BHMT: variants seen among roughly 807,000 people sequenced by gnomAD.
BHMT encodes the protein betaine--homocysteine S-methyltransferase, also known as betaine--homocysteine S-methyltransferase 1.
BHMT carries 38 observed loss-of-function variants against 49.5 expected under a neutral mutation model. The ratio of observed to expected loss-of-function variants is 0.77; its 90% confidence interval spans 0.59 to 1.01. BHMT has a LOEUF of 1.01. Ranked by LOEUF, BHMT falls within the 50% of genes least tolerant of loss-of-function variation. The pLI is 0.00. For synonymous variants in BHMT, 166 were observed against 176.3 expected (o/e 0.94, Z 0.46); for missense variants, 426 against 495.7 (o/e 0.86, Z 1.34).
At chr5:79,117,507 A>G (rs1462242932) in intron 2 of BHMT, among the ~76,000 whole-genome samples, 1 of 152,206 alleles carries the variant, frequency 6.6e-6, no homozygotes, top group East Asian at 1.9e-4. Flanking sequence ...GATTTAAAAA[A>G]TCATGGAAAA....
rs1459899528 is a variant in BHMT, at chr5:79,131,193, A to G, written c.*77A>G. 2 of 1,423,326 alleles carry G rather than the reference A, an allele frequency of 1.4e-6. No individual in the cohort carries two copies. Among genetic ancestry groups the G allele is most frequent in the Non-Finnish European group, 1.9e-6 (2 of 1,044,434 alleles). 88.2% of individuals were successfully genotyped at this position (1,423,326 alleles called of 1,614,324 possible). ...CTACAAATACGGAAAAGGGGGTTAA[A>G]AAGCAGTGCTTTCATGAATGCCATC... On this transcript the variant is annotated 3_prime_UTR_variant, in exon 8 of 8. Coordinates refer to ENST00000274353, the MANE Select transcript of BHMT (RefSeq NM_001713.3).
rs750808709 is a variant in BHMT at position 79,111,852 on chromosome 5, A to G, written c.-34A>G. 7.4e-6 allele frequency: 12 copies of G among 1,611,486 alleles called. No homozygotes were observed. The highest frequency in any genetic ancestry group is 1.0e-5 in the Non-Finnish European group (12 of 1,178,912). ...GGGAAGGCTCGCCTAGTCGGTCCGC[A>G]TCCGTGTCGACCACCTGTCTGGACA... is the stretch of plus-strand genomic sequence containing the variant. On this transcript the variant is annotated 5_prime_UTR_variant, in exon 1 of 8. Transcript: ENST00000274353.
chr5:79,126,878 G>A (rs548530490), intron 6 of BHMT, among the ~76,000 whole-genome samples: 4 of 152,204 alleles, frequency 2.6e-5, no homozygotes, highest in Non-Finnish European at 4.4e-5. Context: ...AGAGTGGTCA[G>A]CAGGGGCAGA....
In BHMT at chr5:79,120,596, C is replaced by A. The variant is rs1358244276; in HGVS notation, c.477+55C>A. The stretch of plus-strand genomic sequence containing the variant: ...AAATACACCTAGTACATTTTCTCTA[C>A]CTTTTGCTTTCAAGAGTACTGTGTG... On this transcript the variant is annotated intron_variant, in intron 4 of 7. Transcript: ENST00000274353. 7 of 1,498,224 alleles carry A rather than the reference C, an allele frequency of 4.7e-6. No individual in the cohort carries two copies. The African/African-American group carries it at 7.0e-5, about 15-fold the overall frequency. The allele number at this position is 1,498,224 out of a possible 1,614,324, so 92.8% of individuals were successfully genotyped here. A position where few individuals can be genotyped will look rare whatever the true frequency, so the allele number is the denominator to read the frequency against.
At chr5:79,117,769 T>A (rs1440553711) in intron 2 of BHMT, among the ~76,000 whole-genome samples, 1 of 152,242 alleles carries the variant, frequency 6.6e-6, no homozygotes. Flanking sequence ...CATAAACCTC[T>A]GAAATTTCAA....
At position 79,131,241 on chromosome 5, in the gene BHMT, C is replaced by G; in HGVS notation, c.*125C>G. The G allele has an allele frequency of 1.1e-6, 1 of 910,222 alleles. No individual in the cohort carries two copies. The highest frequency in any genetic ancestry group is 1.6e-6 in the Non-Finnish European group (1 of 625,420). 56.4% of individuals were successfully genotyped at this position (910,222 alleles called of 1,614,324 possible). On this transcript the variant is annotated 3_prime_UTR_variant, in exon 8 of 8. Transcript: ENST00000274353. ...ATCCTACACATATTATTGCTATTAC[C>G]TGAACAAAATAGAATTACAAATAGC...
rs576078964 is a variant in BHMT at position 79,128,096 on chromosome 5, C to T, written c.1037+113C>T. 30 of 1,269,640 alleles carry T rather than the reference C, an allele frequency of 2.4e-5. No individual in the cohort carries two copies. The South Asian group carries it at 3.9e-4, about 16-fold the overall frequency. 78.6% of individuals were successfully genotyped at this position (1,269,640 alleles called of 1,614,324 possible). ...GTGATGATGAAGAATCAGTCATCCC[C>T]AAATTCTCTCCCAGAGATGTTTACA... On this transcript the variant is annotated intron_variant, in intron 7 of 7. Coordinates refer to ENST00000274353, the MANE Select transcript of BHMT (RefSeq NM_001713.3).
intron 6 of BHMT, among the ~76,000 whole-genome samples, chr5:79,127,342 A>G (rs1268137097): frequency 6.6e-6 from 1 of 152,184 alleles, no homozygotes; most frequent in African/African-American, 2.4e-5. Flanking sequence ...GCTAGAAAAC[A>G]TGCTTGAAAC....
At chr5:79,125,914 G>C (rs57182056) in intron 5 of BHMT, 132 bp from the exon 6 acceptor site, 15 of 912,610 alleles carry the variant, frequency 1.6e-5, no homozygotes, top group Admixed American at 8.4e-5. Flanking sequence ...CTGCACTCCA[G>C]CCTGGGCAAC....
At chr5:79,120,820 A>G (rs1756456217) in intron 4 of BHMT, among the ~76,000 whole-genome samples, 2 of 152,200 alleles carry the variant, frequency 1.3e-5, no homozygotes, top group Non-Finnish European at 2.9e-5. Flanking sequence ...TGAAAACAGT[A>G]ATAATGAAGT....
At chr5:79,116,895 G>A (rs934920863) in intron 2 of BHMT, among the ~76,000 whole-genome samples, 1 of 152,144 alleles carries the variant, frequency 6.6e-6, no homozygotes, top group African/African-American at 2.4e-5. Context: ...GGAAAAAGTA[G>A]GTGAAAGGAT....
chr5:79,128,348 C>G (rs1756584934), intron 7 of BHMT, among the ~76,000 whole-genome samples: 1 of 144,590 alleles, frequency 6.9e-6, no homozygotes, highest in African/African-American at 2.6e-5. Context: ...TGGCAAAACT[C>G]CATCTCTACT....
chr5:79,119,140 C>A, intron 2 of BHMT, 119 bp from the exon 3 acceptor site: 1 of 799,926 alleles, frequency 1.3e-6, no homozygotes, highest in Non-Finnish European at 2.0e-6. Context: ...CTAAGATGTG[C>A]AAATGTCAAG....
At chr5:79,122,356 G>A (rs1439147465) in intron 5 of BHMT, among the ~76,000 whole-genome samples, 1 of 152,050 alleles carries the variant, frequency 6.6e-6, no homozygotes, top group Admixed American at 6.6e-5. Context: ...ATTGATCATG[G>A]AACATTATTT....
At chr5:79,128,020 T>A in intron 7 of BHMT, 37 bp downstream of exon 7, 1 of 1,570,070 alleles carries the variant, frequency 6.4e-7, no homozygotes, top group Non-Finnish European at 8.7e-7. Flanking sequence ...TAATTTAGAT[T>A]ATGAATATGT....
At position 79,121,278 on chromosome 5, in the gene BHMT, C is replaced by G; in HGVS notation, c.538C>G (p.Pro180Ala). 1 of 1,614,146 alleles carries G rather than the reference C, an allele frequency of 6.2e-7. No individual in the cohort carries two copies. Among genetic ancestry groups the G allele is most frequent in the South Asian group, 1.1e-5 (1 of 91,072 alleles). Residue 180 changes from proline to alanine, a missense_variant, in exon 5 of 8, where the codon CCT becomes GCT. Around this residue, in one of 3 missense-constraint regions of BHMT, gnomAD observed 321 missense variants for 355.9 expected, o/e 0.90. Coordinates refer to ENST00000274353, the MANE Select transcript of BHMT (RefSeq NM_001713.3). ...AVETLIASGKPVAATMCIGPE... is the reference protein window; with the variant it reads ...AVETLIASGKAVAATMCIGPE... ...TGAAACCTTGATAGCATCCGGTAAA[C>G]CTGTGGCAGCAACCATGTGCATTGG...
At chr5:79,119,203 G>T in intron 2 of BHMT, 56 bp from the exon 3 acceptor site, 1 of 1,349,504 alleles carries the variant, frequency 7.4e-7, no homozygotes, top group South Asian at 1.3e-5. Context: ...AGAGCCATTT[G>T]AAAATATCGT....
chr5:79,129,509 C>G (rs1282232612), intron 7 of BHMT, among the ~76,000 whole-genome samples: 1 of 152,172 alleles, frequency 6.6e-6, no homozygotes, highest in Non-Finnish European at 1.5e-5. Context: ...GAGGCAGCCT[C>G]TTTATTCATG....
intron 4 of BHMT, 62 bp from the exon 5 acceptor site, chr5:79,121,156 A>G: frequency 6.3e-7 from 1 of 1,584,138 alleles, no homozygotes; most frequent in Non-Finnish European, 8.6e-7. Context: ...GTCTCAAAAA[A>G]AAAAAAAAAA....
Sources: allele counts gnomAD v4.1 joint callset (sites outside exome capture counted in the v4.1 genomes callset), GRCh38; gene constraint gnomAD v4.1.1; regional missense constraint gnomAD v4.1.1; transcripts MANE v1.5; gene names NCBI Gene and HGNC (gene_info 2026-07-23, HGNC 2026-07-21).